KCNH5: variants seen among roughly 807,000 people sequenced by gnomAD.
The protein encoded by KCNH5 is voltage-gated delayed rectifier potassium channel KCNH5.
KCNH5 carries 46 observed loss-of-function variants against 96.1 expected under a neutral mutation model. The observed-to-expected ratio is 0.48, with a 90% CI of 0.38 to 0.61. The LOEUF (loss-of-function observed/expected upper bound fraction) is 0.61. KCNH5 is among the 20% of genes least tolerant of loss of function. The pLI is 0.00. For synonymous variants in KCNH5, 439 were observed against 449.8 expected (o/e 0.98, Z 0.30); for missense variants, 907 against 1,225.8 (o/e 0.74, Z 3.88).
chr14:62,854,911 A>G (rs916486519), intron 7 of KCNH5, among the ~76,000 whole-genome samples: 2 of 149,390 alleles, frequency 1.3e-5, no homozygotes. Context: ...ATTCTTTGAG[A>G]ACTCTTCCAT....
At chr14:62,837,570 C>G (rs1314608830) in intron 8 of KCNH5, among the ~76,000 whole-genome samples, 2 of 152,124 alleles carry the variant, frequency 1.3e-5, no homozygotes, top group African/African-American at 2.4e-5. Flanking sequence ...CAAAATTTCT[C>G]TAACAGAAAA....
intron 8 of KCNH5, among the ~76,000 whole-genome samples, chr14:62,822,140 A>G (rs1887127953): frequency 6.6e-6 from 1 of 152,180 alleles, no homozygotes; most frequent in Admixed American, 6.6e-5. Context: ...GAATTTGTGG[A>G]GAGATATACC....
chr14:62,936,980 CAAAAAAAAA>C (rs5809179), intron 7 of KCNH5, among the ~76,000 whole-genome samples: 1 of 62,280 alleles, frequency 1.6e-5, no homozygotes, highest in Non-Finnish European at 3.0e-5. Flanking sequence ...GACTCCATCT[CAAAAAAAAA>C]AAAAAAAAAA....
At chr14:62,924,884 T>C (rs968098856) in intron 7 of KCNH5, among the ~76,000 whole-genome samples, 3 of 151,950 alleles carry the variant, frequency 2.0e-5, no homozygotes, top group African/African-American at 7.2e-5. Context: ...GAAGACCTAA[T>C]GTATAGCATG....
chr14:62,795,697 A>G (rs532655346), intron 9 of KCNH5, among the ~76,000 whole-genome samples: 1 of 152,260 alleles, frequency 6.6e-6, no homozygotes, highest in East Asian at 1.9e-4. Context: ...CCTATTGAAG[A>G]GATCCTATCA....
intron 7 of KCNH5, chr14:62,949,800 CT>C (rs10523496): frequency 0.042 from 6,992 of 167,994 alleles, 49 homozygotes; most frequent in East Asian, 0.078. Context: ...GATCCTATCT[CT>C]TTTTTTTTTT....
intron 7 of KCNH5, among the ~76,000 whole-genome samples, chr14:62,927,758 G>A (rs1389769839): frequency 6.6e-6 from 1 of 152,044 alleles, no homozygotes; most frequent in Non-Finnish European, 1.5e-5. Flanking sequence ...TTGTTTCATG[G>A]GTAAAGAGTT....
intron 7 of KCNH5, among the ~76,000 whole-genome samples, chr14:62,896,757 T>C (rs189171442): frequency 1.3e-5 from 2 of 152,324 alleles, no homozygotes; most frequent in East Asian, 1.9e-4. Context: ...TGTTGAGTCT[T>C]TTCAGTCCCA....
chr14:62,778,219 C>G (rs2171876), intron 10 of KCNH5, among the ~76,000 whole-genome samples: 21,479 of 152,192 alleles, frequency 0.14, 1,566 homozygotes, highest in Non-Finnish European at 0.16. Flanking sequence ...CCCTCACACA[C>G]CCAGATCCTT....
intron 6 of KCNH5, 40 bp from the exon 7 acceptor site, chr14:62,950,599 A>G (rs745618078): frequency 4.1e-6 from 6 of 1,478,762 alleles, no homozygotes; most frequent in Non-Finnish European, 5.4e-6. Context: ...CCACATTTTC[A>G]GGAAAAAAAA....
At chr14:62,905,411 A>G (rs893012650) in intron 7 of KCNH5, among the ~76,000 whole-genome samples, 1 of 152,190 alleles carries the variant, frequency 6.6e-6, no homozygotes, top group African/African-American at 2.4e-5. Flanking sequence ...ACTTAATTCC[A>G]TAGTAACTAT....
rs187329284 is a variant in KCNH5 at position 62,799,680 on chromosome 14, T to C, written c.1822+2649A>G. Among the ~76,000 whole-genome samples the C allele has an allele frequency of 3.7e-3, 436 of 117,124 alleles. 16 individuals carry two copies. The highest frequency in any genetic ancestry group is 0.036 in the Admixed American group (348 of 9,732). 76.8% of individuals were successfully genotyped at this position (117,124 alleles called of 152,430 possible). On this transcript the variant is annotated intron_variant, in intron 9 of 10. Transcript: ENST00000322893. ...AAAATATACATATATATCTTTTCTATGTATATACCTTTATATATATATATA... is the reference window on the plus strand; with the variant it reads ...AAAATATACATATATATCTTTTCTACGTATATACCTTTATATATATATATA...
chr14:62,860,935 GAAGA>G (rs998797143), intron 7 of KCNH5, among the ~76,000 whole-genome samples: 2 of 152,224 alleles, frequency 1.3e-5, no homozygotes, highest in African/African-American at 4.8e-5. Flanking sequence ...AGAAGCAGAG[GAAGA>G]AAGAAAGTGA....
intron 7 of KCNH5, among the ~76,000 whole-genome samples, chr14:62,898,578 T>A (rs962584442): frequency 4.6e-5 from 7 of 152,242 alleles, no homozygotes; most frequent in South Asian, 2.1e-4. Context: ...TCAAAGTGAT[T>A]TTTTAAAAAA....
chr14:63,013,087 C>G (rs1015998972), intron 2 of KCNH5, among the ~76,000 whole-genome samples: 3 of 151,804 alleles, frequency 2.0e-5, no homozygotes, highest in African/African-American at 7.3e-5. Context: ...TAATTTGATT[C>G]TGTGTGTCTG....
At chr14:62,798,241 T>A (rs1166229125) in intron 9 of KCNH5, among the ~76,000 whole-genome samples, 1 of 152,226 alleles carries the variant, frequency 6.6e-6, no homozygotes, top group Non-Finnish European at 1.5e-5. Context: ...ATAGAGATTG[T>A]CTTAGTTTAA....
chr14:62,770,162 C>T (rs1885954928), intron 10 of KCNH5, among the ~76,000 whole-genome samples: 3 of 152,244 alleles, frequency 2.0e-5, no homozygotes, highest in South Asian at 2.1e-4. Flanking sequence ...ACCATTTCTT[C>T]GAAGATGCTC....
chr14:62,980,043 C>A (rs924231175), intron 6 of KCNH5, among the ~76,000 whole-genome samples: 2 of 152,108 alleles, frequency 1.3e-5, no homozygotes, highest in African/African-American at 4.8e-5. Context: ...AGATCTCATG[C>A]GATCTGGGGG....
chr14:62,812,692 T>C (rs939682878), intron 8 of KCNH5, among the ~76,000 whole-genome samples: 5 of 152,100 alleles, frequency 3.3e-5, no homozygotes, highest in African/African-American at 1.2e-4. Context: ...CTTTATCTTC[T>C]CACTCGTTCT....
Sources: gnomAD v4.1 joint callset for allele counts (sites outside exome capture counted in the v4.1 genomes callset) on GRCh38, gnomAD v4.1.1 for gene constraint, MANE v1.5 for transcripts, NCBI Gene and HGNC (gene_info 2026-07-23, HGNC 2026-07-21) for gene names.